Variants in DAB1 observed in about 807,000 individuals in gnomAD.
DAB1 encodes the protein DAB adaptor protein 1.
A neutral mutation model predicts 64.6 loss-of-function variants in DAB1; 15 were observed. That is an observed-to-expected ratio of 0.23 (90% CI 0.16 to 0.36). DAB1 has a LOEUF of 0.36. Among genes scored for constraint, DAB1 ranks in the 10% least tolerant of loss-of-function variants. The probability of loss-of-function intolerance (pLI) is 1.00; values close to 1 mark genes in which losing one functional copy is unlikely to be tolerated. For missense variants in DAB1, 596 were observed against 706.7 expected (o/e 0.84, Z 1.78); for synonymous variants, 235 against 251.9 (o/e 0.93, Z 0.64).
At chr1:57,083,801 A>C (rs1213663066) in intron 4 of DAB1, among the ~76,000 whole-genome samples, 1 of 152,210 alleles carries the variant, frequency 6.6e-6, no homozygotes, top group African/African-American at 2.4e-5. Context: ...GAGGTAAGGC[A>C]TGATTTGGAG....
intron 2 of DAB1, among the ~76,000 whole-genome samples, chr1:57,167,243 C>T (rs1569698655): frequency 1.3e-5 from 2 of 152,116 alleles, no homozygotes; most frequent in Admixed American, 1.3e-4. Flanking sequence ...CACAGCAAGA[C>T]CACTATGGAG....
At position 58,199,923 on chromosome 1, in the gene DAB1, C is replaced by T. The variant is rs1384832641; in HGVS notation, n.310-49335G>A. Among the ~76,000 whole-genome samples the T allele has an allele frequency of 1.3e-5, 2 of 152,192 alleles. 1 individual carries two copies. The highest frequency in any genetic ancestry group is 4.8e-5 in the African/African-American group (2 of 41,444). On this transcript the variant is annotated intron_variant and non_coding_transcript_variant, in intron 4 of 20. Transcript: ENST00000485760. ...GGTTATGGCACTGTCCTCCTCTAAG[C>T]CCTAGAAGTGTTTTTCTTTCAGCCA...
chr1:58,011,146 C>T (rs1449237923), intron 5 of DAB1, among the ~76,000 whole-genome samples: 1 of 152,108 alleles, frequency 6.6e-6, no homozygotes, highest in African/African-American at 2.4e-5. Context: ...GTGGACCTGG[C>T]CCAGTATGGG....
intron 1 of DAB1, among the ~76,000 whole-genome samples, chr1:57,331,370 A>T (rs1676657133): frequency 6.6e-6 from 1 of 152,216 alleles, no homozygotes; most frequent in Non-Finnish European, 1.5e-5. Flanking sequence ...ATAAATTGGC[A>T]TAGAGAGGCT....
chr1:58,220,332 C>CAAGCACCCCAGGTGTGAAGA (rs1659091327), intron 4 of DAB1, among the ~76,000 whole-genome samples: 2 of 152,092 alleles, frequency 1.3e-5, no homozygotes, highest in African/African-American at 4.8e-5. Context: ...TTGTGGGATC[C>CAAGCACCCCAGGTGTGAAGA]AAGCACCCCA....
intron 4 of DAB1, among the ~76,000 whole-genome samples, chr1:58,184,900 A>T (rs773538754): frequency 1.2e-4 from 19 of 152,178 alleles, no homozygotes; most frequent in Non-Finnish European, 2.6e-4. Flanking sequence ...AGGCATGGGA[A>T]CAAGAGATTG....
intron 5 of DAB1, among the ~76,000 whole-genome samples, chr1:58,077,389 T>C (rs917567375): frequency 2.6e-5 from 4 of 152,074 alleles, no homozygotes; most frequent in African/African-American, 9.7e-5. Context: ...AGAAACGACC[T>C]TGAAATTGAC....
At chr1:58,175,875 C>T (rs1016477890) in intron 4 of DAB1, among the ~76,000 whole-genome samples, 1 of 152,126 alleles carries the variant, frequency 6.6e-6, no homozygotes, top group Non-Finnish European at 1.5e-5. Context: ...GATCACAGCC[C>T]ACAGATGCGT....
At chr1:57,460,879 C>A (rs1431294219) in intron 7 of DAB1, among the ~76,000 whole-genome samples, 1 of 152,096 alleles carries the variant, frequency 6.6e-6, no homozygotes. Context: ...CACAAATGTA[C>A]CTTATCTGAT....
chr1:57,167,375 C>T (rs4124453), intron 2 of DAB1, among the ~76,000 whole-genome samples: 1 of 152,024 alleles, frequency 6.6e-6, no homozygotes, highest in South Asian at 2.1e-4. Flanking sequence ...TTACTGCCCC[C>T]TCCTTCTTAG....
At chr1:57,733,856 G>T (rs571863392) in intron 6 of DAB1, among the ~76,000 whole-genome samples, 1 of 152,214 alleles carries the variant, frequency 6.6e-6, no homozygotes, top group East Asian at 1.9e-4. Flanking sequence ...ATCTCTAGGT[G>T]GCTTTGGGTG....
At chr1:57,792,575 G>A (rs1650656604) in intron 6 of DAB1, among the ~76,000 whole-genome samples, 1 of 152,180 alleles carries the variant, frequency 6.6e-6, no homozygotes, top group South Asian at 2.1e-4. Flanking sequence ...TCAGCTCACA[G>A]TTTATTTCTT....
intron 6 of DAB1, among the ~76,000 whole-genome samples, chr1:57,743,671 ACT>A (rs1237880757): frequency 3.3e-5 from 5 of 152,048 alleles, no homozygotes; most frequent in Non-Finnish European, 1.5e-5. Flanking sequence ...GCTTCACCTG[ACT>A]CTGCCGAGAG....
chr1:58,151,637 C>T (rs984821415), intron 4 of DAB1, among the ~76,000 whole-genome samples: 1 of 152,182 alleles, frequency 6.6e-6, no homozygotes, highest in African/African-American at 2.4e-5. Flanking sequence ...TGTCTGCATA[C>T]CCTGGCCAGA....
At chr1:57,729,681 G>A (rs1194612729) in intron 6 of DAB1, among the ~76,000 whole-genome samples, 1 of 152,198 alleles carries the variant, frequency 6.6e-6, no homozygotes, top group Non-Finnish European at 1.5e-5. Context: ...ATTTATCCCT[G>A]CCTGTATTAT....
At chr1:58,139,718 C>A (rs539056633) in intron 5 of DAB1, among the ~76,000 whole-genome samples, 1 of 152,130 alleles carries the variant, frequency 6.6e-6, no homozygotes, top group East Asian at 1.9e-4. Flanking sequence ...AAAGCTTAAG[C>A]CTTGCTAAAA....
At chr1:58,012,601 G>T (rs528915329) in intron 5 of DAB1, among the ~76,000 whole-genome samples, 7 of 152,288 alleles carry the variant, frequency 4.6e-5, no homozygotes, top group African/African-American at 1.4e-4. Flanking sequence ...AGGCAATGAG[G>T]ATAGAGCTGT....
At chr1:58,228,698 CT>C in intron 4 of DAB1, 1 of 1,140,626 alleles carries the variant, frequency 8.8e-7, no homozygotes, top group Non-Finnish European at 1.3e-6. Context: ...ACCTCTTAGC[CT>C]TGCCCTGGGG....
chr1:57,953,702 T>G (rs527382577), intron 5 of DAB1, among the ~76,000 whole-genome samples: 16 of 152,228 alleles, frequency 1.1e-4, no homozygotes, highest in Non-Finnish European at 2.4e-4. Flanking sequence ...AATTCTGAGT[T>G]CTAGTTGGAA....
Sources: gnomAD v4.1 joint callset for allele counts (sites outside exome capture counted in the v4.1 genomes callset) on GRCh38, gnomAD v4.1.1 for gene constraint, MANE v1.5 for transcripts, NCBI Gene and HGNC (gene_info 2026-07-23, HGNC 2026-07-21) for gene names.